Variants in ADGRB3 observed in about 807,000 individuals in gnomAD.
ADGRB3 encodes adhesion G protein-coupled receptor B3, also known as brain-specific angiogenesis inhibitor 3.
A neutral mutation model predicts 193.4 loss-of-function variants in ADGRB3; 37 were observed. The observed-to-expected ratio is 0.19, with a 90% CI of 0.15 to 0.25. The LOEUF is 0.25. Among genes scored for constraint, ADGRB3 ranks in the 10% least tolerant of loss-of-function variants. The pLI is 1.00. For synonymous variants in ADGRB3, 690 were observed against 644.2 expected (o/e 1.07, Z -1.08); for missense variants, 1,637 against 1,852.9 (o/e 0.88, Z 2.14).
rs558879007 is a variant in ADGRB3 at position 68,771,109 on chromosome 6, G to A, written c.757+131677G>A. On this transcript the variant is annotated intron_variant, in intron 3 of 31. Transcript: ENST00000370598. Reference sequence around the variant, plus strand: ...CAAATGATGAGTGCATCCATTAGTGGCTCATATTGCATTATGTTAATATTT... The same window carrying A: ...CAAATGATGAGTGCATCCATTAGTGACTCATATTGCATTATGTTAATATTT... Among the ~76,000 whole-genome samples, 4 of 151,984 alleles carry A rather than the reference G, an allele frequency of 2.6e-5. No homozygotes were observed. In the South Asian group the frequency reaches 8.3e-4, roughly 32 times the overall value.
At chr6:68,666,944 T>C (rs180895034) in intron 3 of ADGRB3, among the ~76,000 whole-genome samples, 1 of 151,706 alleles carries the variant, frequency 6.6e-6, no homozygotes, top group African/African-American at 2.4e-5. Context: ...TATTTTTAGT[T>C]CTCTACAAAT....
intron 26 of ADGRB3, among the ~76,000 whole-genome samples, chr6:69,344,988 C>A (rs541476632): frequency 8.0e-4 from 121 of 151,788 alleles, no homozygotes; most frequent in African/African-American, 2.9e-3. Flanking sequence ...GATCCTGGAC[C>A]CTAGTGATTT....
intron 4 of ADGRB3, among the ~76,000 whole-genome samples, chr6:68,933,602 A>T (rs1291488019): frequency 6.6e-6 from 1 of 152,222 alleles, no homozygotes; most frequent in Non-Finnish European, 1.5e-5. Flanking sequence ...CAATAAGTAA[A>T]TAAATGAATA....
At chr6:69,129,973 G>A (rs1046892138) in intron 17 of ADGRB3, among the ~76,000 whole-genome samples, 5 of 151,912 alleles carry the variant, frequency 3.3e-5, no homozygotes, top group Admixed American at 6.6e-5. Context: ...GTTGGCTACC[G>A]AAATACTGGA....
At position 68,936,678 on chromosome 6, in the gene ADGRB3, C is replaced by T; in HGVS notation, c.1028C>T (p.Pro343Leu). ...GTTTGCAATAACACTGCCCTCTGTC[C>T]AGGTAGTGTTAGCAGCAACTACAAC... Reference protein sequence around the residue: ...SRVCNNTALCPVHGVWEEWSP... With the variant: ...SRVCNNTALCLVHGVWEEWSP... Residue 343 changes from proline (P) to leucine (L), a missense_variant and splice_region_variant, in exon 5 of 32, where the codon CCA becomes CTA. Pro to Leu is a moderately conservative substitution (Grantham distance 98). This residue lies in a region of ADGRB3 where 365 missense variants were observed against 409.8 expected (regional missense o/e 0.89). Transcript: ENST00000370598. 6.2e-7 allele frequency: 1 copy of T among 1,611,308 alleles called. No individual in the cohort carries two copies. The highest frequency in any genetic ancestry group is 8.5e-7 in the Non-Finnish European group (1 of 1,178,592).
intron 5 of ADGRB3, among the ~76,000 whole-genome samples, chr6:68,938,647 A>G (rs1767551124): frequency 1.3e-5 from 2 of 152,096 alleles, no homozygotes; most frequent in South Asian, 4.1e-4. Context: ...TTCCTCCTAG[A>G]TAACTGTGAT....
chr6:68,786,928 C>A (rs7748691), intron 3 of ADGRB3, among the ~76,000 whole-genome samples: 118,907 of 151,258 alleles, frequency 0.79, 46,945 homozygotes, highest in Middle Eastern at 0.91. Context: ...TGTGAATGGG[C>A]GTTCACTCAT....
chr6:68,807,562 G>T (rs1171945933), intron 3 of ADGRB3, among the ~76,000 whole-genome samples: 1 of 151,886 alleles, frequency 6.6e-6, no homozygotes, highest in Non-Finnish European at 1.5e-5. Flanking sequence ...TTGTTAACAC[G>T]ACAGTGATGA....
chr6:68,687,051 C>CAT (rs1333229316), intron 3 of ADGRB3, among the ~76,000 whole-genome samples: 1 of 151,818 alleles, frequency 6.6e-6, no homozygotes, highest in Non-Finnish European at 1.5e-5. Flanking sequence ...CACATTTTGC[C>CAT]ATATGTATAT....
At chr6:69,134,066 T>G (rs1164337815) in intron 17 of ADGRB3, among the ~76,000 whole-genome samples, 1 of 152,104 alleles carries the variant, frequency 6.6e-6, no homozygotes, top group Non-Finnish European at 1.5e-5. Flanking sequence ...TATACCTCAT[T>G]TTCTTTATCC....
At position 69,049,335 on chromosome 6, in the gene ADGRB3, G is replaced by T; in HGVS notation, c.2322G>T (p.Leu774Phe). The T allele has an allele frequency of 1.2e-6, 2 of 1,605,996 alleles. No homozygotes were observed. Among genetic ancestry groups the T allele is most frequent in the Non-Finnish European group, 1.7e-6 (2 of 1,175,112 alleles). The part of the protein sequence containing the change: ...AVLYKNLDLI[L>F]PTLRNYTVIN... ...TATACAAAAACTTAGATCTAATTTTGCCCACTTTGAGGTAAGCTACAAAGT... is the reference window on the plus strand; with the variant it reads ...TATACAAAAACTTAGATCTAATTTTTCCCACTTTGAGGTAAGCTACAAAGT... Residue 774 changes from leucine (L) to phenylalanine (F), a missense_variant, in exon 15 of 32, where the codon TTG becomes TTT. This residue lies in a region of ADGRB3 where 641 missense variants were observed against 673.9 expected (regional missense o/e 0.95). Transcript: ENST00000370598.
chr6:69,062,605 T>C (rs1382772003), intron 15 of ADGRB3, among the ~76,000 whole-genome samples: 1 of 151,902 alleles, frequency 6.6e-6, no homozygotes, highest in Non-Finnish European at 1.5e-5. Context: ...AAATGAATTA[T>C]ATTCATTTAA....
chr6:69,190,390 AAAAT>A (rs949888598), intron 17 of ADGRB3, among the ~76,000 whole-genome samples: 8 of 151,996 alleles, frequency 5.3e-5, no homozygotes, highest in African/African-American at 9.7e-5. Context: ...CAAAAATTTA[AAAAT>A]AAATAAATAA....
chr6:68,798,615 T>C (rs1767256775), intron 3 of ADGRB3, among the ~76,000 whole-genome samples: 1 of 152,140 alleles, frequency 6.6e-6, no homozygotes, highest in Non-Finnish European at 1.5e-5. Context: ...CAAACCACCA[T>C]GGCACATGTA....
chr6:69,375,549 T>C (rs2127342599), intron 30 of ADGRB3, among the ~76,000 whole-genome samples: 1 of 152,196 alleles, frequency 6.6e-6, no homozygotes, highest in African/African-American at 2.4e-5. Context: ...AGAAGATATC[T>C]AGTCAGGGTG....
intron 3 of ADGRB3, among the ~76,000 whole-genome samples, chr6:68,788,675 TGGCGCAGAGCTGA>T (rs1168777437): frequency 6.6e-6 from 1 of 152,204 alleles, no homozygotes; most frequent in Non-Finnish European, 1.5e-5. Flanking sequence ...TAGGTCCGCT[TGGCGCAGAGCTGA>T]GTTCAATTCC....
intron 17 of ADGRB3, among the ~76,000 whole-genome samples, chr6:69,083,626 T>C (rs1772458595): frequency 6.6e-6 from 1 of 152,270 alleles, no homozygotes; most frequent in South Asian, 2.1e-4. Context: ...TTTAATTCAA[T>C]TGACTTTTTC....
At chr6:68,856,954 A>G (rs1120509) in intron 3 of ADGRB3, among the ~76,000 whole-genome samples, 71,789 of 151,574 alleles carry the variant, frequency 0.47, 17,630 homozygotes, top group East Asian at 0.59. Flanking sequence ...AGCTCCAGCC[A>G]TGCCTAAAAG....
At chr6:69,152,058 G>T (rs1774695441) in intron 17 of ADGRB3, among the ~76,000 whole-genome samples, 1 of 152,202 alleles carries the variant, frequency 6.6e-6, no homozygotes, top group African/African-American at 2.4e-5. Context: ...CCCCAGCCAT[G>T]CTGAACTGTG....
Sources: allele counts gnomAD v4.1 joint callset (sites outside exome capture counted in the v4.1 genomes callset), GRCh38; gene constraint gnomAD v4.1.1; regional missense constraint gnomAD v4.1.1; transcripts MANE v1.5; gene names NCBI Gene and HGNC (gene_info 2026-07-23, HGNC 2026-07-21).